Variants in GSDMA observed in about 807,000 individuals in gnomAD.
GSDMA encodes gasdermin A.
GSDMA carries 55 observed loss-of-function variants against 54.3 expected under a neutral mutation model. That is an observed-to-expected ratio of 1.01 (90% CI 0.82 to 1.27). The LOEUF (loss-of-function observed/expected upper bound fraction) is 1.27. Ranked by LOEUF, GSDMA falls within the 50% of genes most tolerant of loss-of-function variation. The pLI is 0.00. For synonymous variants in GSDMA, 211 were observed against 224.7 expected (o/e 0.94, Z 0.54); for missense variants, 542 against 542.6 (o/e 1.00, Z 0.01).
rs754986832 is a variant in GSDMA, at chr17:39,976,906, G to T, written c.1186G>T (p.Glu396Ter). The change falls in exon 12 of 12, where the codon GAG (glutamate) becomes TAG (stop). Residue 396 changes from glutamate (E) to a stop codon, truncating the protein, a stop_gained. Coordinates refer to ENST00000301659, the MANE Select transcript of GSDMA (RefSeq NM_178171.5). LOFTEE classifies it high-confidence loss of function. ...GCTGCTCTCCTCCCTTGGGGACGAG[G>T]AGCTGACCCTCACGGAGGCTCTAGT... Reference protein sequence around the residue: ...PELLSSLGDEELTLTEALVGL... With the variant: ...PELLSSLGDE 6.2e-7 allele frequency: 1 copy of T among 1,613,988 alleles called. No homozygotes were observed. Among genetic ancestry groups the T allele is most frequent in the South Asian group, 1.1e-5 (1 of 91,086 alleles).
chr17:39,966,344 A>G lies in GSDMA; in HGVS notation c.299A>G (p.Lys100Arg). 1 of 1,613,910 alleles carries G rather than the reference A, an allele frequency of 6.2e-7. No individual in the cohort carries two copies. Residue 100 changes from lysine to arginine, a missense_variant, in exon 3 of 12, where the codon AAG (lysine) becomes AGG (arginine). By Grantham distance (26) the Lys-to-Arg change is conservative (BLOSUM62 2). Transcript: ENST00000301659. ...EGDVDVPKTVKVKGTAGLSQN... is the reference protein window; with the variant it reads ...EGDVDVPKTVRVKGTAGLSQN... ...GATGTGGATGTACCAAAGACGGTGA[A>G]GGTGAAGGGAACGGCAGGGCTCTCG...
chr17:39,972,582 T>A lies in GSDMA; in HGVS notation c.704-5T>A. On this transcript the variant is annotated splice_polypyrimidine_tract_variant and splice_region_variant and intron_variant, in intron 6 of 11. Transcript: ENST00000301659. ...CTGACAGATGTGCATTTTTTCTGTC[T>A]TCAGAAAAGTCAGGAGAGGAGAAGG... 6.2e-7 allele frequency: 1 copy of A among 1,612,970 alleles called. No homozygotes were observed. Among genetic ancestry groups the A allele is most frequent in the South Asian group, 1.1e-5 (1 of 90,758 alleles).
chr17:39,966,743 A>G (rs777265049), intron 3 of GSDMA, among the ~76,000 whole-genome samples: 27 of 152,160 alleles, frequency 1.8e-4, no homozygotes, highest in Non-Finnish European at 3.5e-4. Context: ...TTGGGACCTC[A>G]GTTTTCTTTT....
chr17:39,966,478 G>A (rs781701977), intron 3 of GSDMA, 41 bp downstream of exon 3: 3 of 1,523,844 alleles, frequency 2.0e-6, no homozygotes, highest in East Asian at 4.6e-5. Flanking sequence ...GGATGTGGGT[G>A]GGGCAGTGCA....
At position 39,970,589 on chromosome 17, in the gene GSDMA, G is replaced by A. The variant is rs373489642; in HGVS notation, c.500G>A (p.Arg167Gln). Residue 167 changes from arginine to glutamine, a missense_variant, in exon 4 of 12, where the codon CGA becomes CAA. Coordinates refer to ENST00000301659, the MANE Select transcript of GSDMA (RefSeq NM_178171.5). ...ACGGTGCAGGAGGTCACACTGGAGCGAGCCGGCAAGGCAGAGGCCTGCTTC... is the reference window on the plus strand; with the variant it reads ...ACGGTGCAGGAGGTCACACTGGAGCAAGCCGGCAAGGCAGAGGCCTGCTTC... The part of the protein sequence containing the change: ...VETVQEVTLE[R>Q]AGKAEACFSL... The A allele has an allele frequency of 2.0e-5, 32 of 1,602,682 alleles. No individual in the cohort carries two copies. Among genetic ancestry groups the A allele is most frequent in the African/African-American group, 4.0e-5 (3 of 74,472 alleles).
intron 4 of GSDMA, 116 bp from the exon 5 acceptor site, chr17:39,971,408 C>A: frequency 1.4e-6 from 1 of 705,776 alleles, no homozygotes; most frequent in South Asian, 1.7e-5. Context: ...AGGCTTCCAG[C>A]TTCTTATCTC....
At chr17:39,972,098 C>A in intron 5 of GSDMA, 31 bp from the exon 6 acceptor site, 1 of 881,600 alleles carries the variant, frequency 1.1e-6, no homozygotes, top group Non-Finnish European at 1.9e-6. Flanking sequence ...TGCTAAGTGT[C>A]CTCCCACCCT....
intron 3 of GSDMA, among the ~76,000 whole-genome samples, chr17:39,967,897 G>A (rs964684325): frequency 3.3e-5 from 5 of 151,868 alleles, no homozygotes; most frequent in Admixed American, 6.6e-5. Flanking sequence ...TCGCTCTGTC[G>A]CCCAGGCTGG....
In GSDMA at chr17:39,976,961, C is replaced by T. The variant is rs1271993391; in HGVS notation, c.1241C>T (p.Ser414Leu). 17 of 1,613,850 alleles carry T rather than the reference C, an allele frequency of 1.1e-5. No individual in the cohort carries two copies. The highest frequency in any genetic ancestry group is 1.3e-5 in the African/African-American group (1 of 74,890). Residue 414 changes from serine (S) to leucine (L), a missense_variant, in exon 12 of 12, where the codon TCG becomes TTG. Ser to Leu is a moderately radical substitution (Grantham distance 145, BLOSUM62 -2). Transcript: ENST00000301659. The part of the protein sequence containing the change: ...VGLSGLEVQR[S>L]GPQYMWDPDT... The stretch of plus-strand genomic sequence containing the variant: ...CTGAGTGGCCTGGAAGTGCAGAGAT[C>T]GGGCCCCCAATATATGTGGGACCCA...
chr17:39,976,795 T>C (rs1159073139), intron 11 of GSDMA, 21 bp from the exon 12 acceptor site: 1 of 1,611,678 alleles, frequency 6.2e-7, no homozygotes, highest in African/African-American at 1.3e-5. Flanking sequence ...TTTCTTTTCA[T>C]GCTGTTTTGA....
intron 10 of GSDMA, 70 bp from the exon 11 acceptor site, chr17:39,975,854 G>T: frequency 8.9e-7 from 1 of 1,123,390 alleles, no homozygotes; most frequent in South Asian, 1.4e-5. Flanking sequence ...AATTCTGGAA[G>T]TGCGCTATTT....
At chr17:39,964,496 G>T (rs1353215555) in intron 1 of GSDMA, among the ~76,000 whole-genome samples, 1 of 151,752 alleles carries the variant, frequency 6.6e-6, no homozygotes, top group African/African-American at 2.4e-5. Flanking sequence ...TTGAATCTGA[G>T]AGGTGGAGAC....
chr17:39,963,260 G>A (rs1462699606), intron 1 of GSDMA, among the ~76,000 whole-genome samples, 175 bp downstream of exon 1: 1 of 152,012 alleles, frequency 6.6e-6, no homozygotes, highest in Non-Finnish European at 1.5e-5. Context: ...AGAGGAGGCT[G>A]CTGTTGCCCA....
chr17:39,974,652 C>G (rs1165949835), intron 9 of GSDMA, among the ~76,000 whole-genome samples: 1 of 152,174 alleles, frequency 6.6e-6, no homozygotes, highest in Non-Finnish European at 1.5e-5. Flanking sequence ...GTGGGTTCCC[C>G]CAAGGCACAT....
chr17:39,976,425 C>T (rs990383453), intron 11 of GSDMA, among the ~76,000 whole-genome samples: 1 of 151,922 alleles, frequency 6.6e-6, no homozygotes, highest in African/African-American at 2.4e-5. Context: ...ATTACAGGCG[C>T]CCACCACCAC....
In GSDMA at chr17:39,977,624, A is replaced by C. The variant is rs1980260241; in HGVS notation, c.*566A>C. 6.6e-6 allele frequency: 1 copy of C among 152,108 alleles called. No homozygotes were observed. Among genetic ancestry groups the C allele is most frequent in the Non-Finnish European group, 1.5e-5 (1 of 68,022 alleles). The allele number at this position is 152,108 out of a possible 1,614,324, so 9.4% of individuals were successfully genotyped here. A position where few individuals can be genotyped will look rare whatever the true frequency, so the allele number is the denominator to read the frequency against. ...AAATATTCTAGGAGTAGAAGCACTCAGACTTTTAAAACTATGAGCCGTTTC... is the reference window on the plus strand; with the variant it reads ...AAATATTCTAGGAGTAGAAGCACTCCGACTTTTAAAACTATGAGCCGTTTC... On this transcript the variant is annotated 3_prime_UTR_variant, in exon 12 of 12. Coordinates refer to ENST00000301659, the MANE Select transcript of GSDMA (RefSeq NM_178171.5).
intron 3 of GSDMA, among the ~76,000 whole-genome samples, chr17:39,968,842 G>C (rs1456898049): frequency 6.6e-6 from 1 of 152,174 alleles, no homozygotes; most frequent in Non-Finnish European, 1.5e-5. Context: ...CCCAGGTTGT[G>C]ACATTATAGG....
chr17:39,977,288 TTTTC>T lies in GSDMA; in HGVS notation c.*234_*237del, dbSNP rs1385279594. On this transcript the variant is annotated 3_prime_UTR_variant, in exon 12 of 12. Transcript: ENST00000301659. The stretch of plus-strand genomic sequence containing the variant: ...GATGCTTAAATTTTCTTTACTTTTC[TTTTC>T]TTTTTTTTTTTTTTTTTGAGATGGA... 729 of 111,954 alleles carry T rather than the reference TTTTC, an allele frequency of 6.5e-3. 7 individuals carry two copies. Among genetic ancestry groups the T allele is most frequent in the Middle Eastern group, 0.018 (4 of 228 alleles). 6.9% of individuals were successfully genotyped at this position (111,954 alleles called of 1,614,324 possible). A position where few individuals can be genotyped will look rare whatever the true frequency, so the allele number is the denominator to read the frequency against.
chr17:39,972,192 T>C lies in GSDMA; in HGVS notation c.703+16T>C. 3.2e-6 allele frequency: 5 copies of C among 1,580,596 alleles called. No individual in the cohort carries two copies. The highest frequency in any genetic ancestry group is 3.5e-6 in the Non-Finnish European group (4 of 1,154,980). Reference sequence around the variant, plus strand: ...CCTCCTGGAGGTAAGTGAAATTGCTTACGGGCTTCCCACATCTTCCGCCCT... The same window carrying C: ...CCTCCTGGAGGTAAGTGAAATTGCTCACGGGCTTCCCACATCTTCCGCCCT... On this transcript the variant is annotated intron_variant, in intron 6 of 11. Coordinates refer to ENST00000301659, the MANE Select transcript of GSDMA (RefSeq NM_178171.5).
Sources: gnomAD v4.1 joint callset for allele counts (sites outside exome capture counted in the v4.1 genomes callset) on GRCh38, gnomAD v4.1.1 for gene constraint, MANE v1.5 for transcripts, NCBI Gene and HGNC (gene_info 2026-07-23, HGNC 2026-07-21) for gene names.